TSHZ1: variants seen among roughly 807,000 people sequenced by gnomAD.
The protein encoded by TSHZ1 is teashirt homolog 1.
A neutral mutation model predicts 67.1 loss-of-function variants in TSHZ1; 12 were observed. That is an observed-to-expected ratio of 0.18 (90% confidence interval 0.11 to 0.29). The LOEUF is 0.29. Among genes scored for constraint, TSHZ1 ranks in the 10% least tolerant of loss-of-function variants. The pLI is 1.00. For synonymous variants in TSHZ1, 632 were observed against 622.4 expected (o/e 1.02, Z -0.23); for missense variants, 1,305 against 1,413.9 (o/e 0.92, Z 1.23).
At position 75,287,647 on chromosome 18, in the gene TSHZ1, G is replaced by A; in HGVS notation, c.2240G>A (p.Ser747Asn). 1 of 1,614,142 alleles carries A rather than the reference G, an allele frequency of 6.2e-7. No homozygotes were observed. Among genetic ancestry groups the A allele is most frequent in the Non-Finnish European group, 8.5e-7 (1 of 1,180,038 alleles). ...GAGCCTTCCTTCATCAACCCGCTGAGCGCTTTGCAGTCCATCATGAACACC... is the reference window on the plus strand; with the variant it reads ...GAGCCTTCCTTCATCAACCCGCTGAACGCTTTGCAGTCCATCATGAACACC... ...SPEPSFINPL[S>N]ALQSIMNTHL... The change falls in exon 2 of 2, where the codon AGC becomes AAC. Residue 747 changes from serine (S) to asparagine (N), a missense_variant. Ser to Asn is a conservative substitution (Grantham distance 46). Coordinates refer to ENST00000580243, the MANE Select transcript of TSHZ1 (RefSeq NM_001308210.2). This position sits in a 1 kb window ranked among gnomAD's most constrained non-coding sequence, Gnocchi z 5.0.
chr18:75,261,328 C>A (rs1223752173), intron 1 of TSHZ1, among the ~76,000 whole-genome samples: 2 of 152,160 alleles, frequency 1.3e-5, no homozygotes, highest in African/African-American at 4.8e-5. Flanking sequence ...ACATTTATGG[C>A]CTTCCCAGGG....
intron 1 of TSHZ1, among the ~76,000 whole-genome samples, chr18:75,275,093 A>G (rs1222472310): frequency 6.6e-6 from 1 of 152,214 alleles, no homozygotes; most frequent in East Asian, 1.9e-4. Context: ...TGCCTGGTAC[A>G]CGTCCTTGCC....
chr18:75,280,389 CATTT>C, intron 1 of TSHZ1, among the ~76,000 whole-genome samples: 1 of 152,236 alleles, frequency 6.6e-6, no homozygotes, highest in Non-Finnish European at 1.5e-5. Context: ...GAGATTCTCT[CATTT>C]ATAACACTGT....
At chr18:75,235,074 C>T (rs2023050313) in intron 1 of TSHZ1, among the ~76,000 whole-genome samples, 1 of 152,234 alleles carries the variant, frequency 6.6e-6, no homozygotes, top group South Asian at 2.1e-4. Flanking sequence ...GCGTGTCACA[C>T]CCGTGTTGTG....
chr18:75,249,186 G>T (rs1423990028), intron 1 of TSHZ1, among the ~76,000 whole-genome samples: 1 of 152,120 alleles, frequency 6.6e-6, no homozygotes, highest in Non-Finnish European at 1.5e-5. Context: ...CTGCTACCCG[G>T]GCAGGCTGCT....
At chr18:75,271,720 C>T (rs1292596759) in intron 1 of TSHZ1, among the ~76,000 whole-genome samples, 2 of 151,624 alleles carry the variant, frequency 1.3e-5, no homozygotes, top group East Asian at 1.9e-4. Context: ...TTTTTCTTGC[C>T]GCTCCCCCCT....
chr18:75,222,285 T>G (rs1023527116), intron 1 of TSHZ1, among the ~76,000 whole-genome samples: 41 of 151,902 alleles, frequency 2.7e-4, no homozygotes, highest in African/African-American at 8.2e-4. Context: ...AAATCAGTAA[T>G]GAGAATTTAT....
intron 1 of TSHZ1, chr18:75,283,084 C>T (rs750543070): frequency 5.9e-5 from 9 of 152,306 alleles, no homozygotes; most frequent in East Asian, 1.9e-4. Context: ...AAGGGCCTCC[C>T]GCACACAGTG....
chr18:75,246,378 C>T (rs1369928930), intron 1 of TSHZ1, among the ~76,000 whole-genome samples: 1 of 121,528 alleles, frequency 8.2e-6, no homozygotes, highest in Non-Finnish European at 1.8e-5. Context: ...TCTGTTCAAC[C>T]TCTGATGGGG....
chr18:75,233,140 C>G (rs982362764), intron 1 of TSHZ1, among the ~76,000 whole-genome samples: 7 of 152,198 alleles, frequency 4.6e-5, no homozygotes, highest in Admixed American at 3.9e-4. Flanking sequence ...TTTTCTGTGT[C>G]GTAGGAGTTC....
chr18:75,219,630 T>G (rs1372386473), intron 1 of TSHZ1, among the ~76,000 whole-genome samples: 2 of 152,232 alleles, frequency 1.3e-5, no homozygotes, highest in Non-Finnish European at 2.9e-5. Flanking sequence ...AAGAAAAATA[T>G]TCTTGAACTC....
rs1406815572 is a variant in TSHZ1, at chr18:75,211,762, G to C, written c.-115G>C. 1.7e-6 allele frequency: 1 copy of C among 589,706 alleles called. No individual in the cohort carries two copies. The highest frequency in any genetic ancestry group is 2.1e-6 in the Non-Finnish European group (1 of 468,984). 36.5% of individuals were successfully genotyped at this position (589,706 alleles called of 1,614,324 possible). A position where few individuals can be genotyped will look rare whatever the true frequency, so the allele number is the denominator to read the frequency against. On this transcript the variant is annotated 5_prime_UTR_variant, in exon 1 of 2. Transcript: ENST00000580243. ...CGCGCCCGGAGCCCGGAGCCCGCGGGGACGAGGCCAAAGTTGGGCGCGCCG... is the reference window on the plus strand; with the variant it reads ...CGCGCCCGGAGCCCGGAGCCCGCGGCGACGAGGCCAAAGTTGGGCGCGCCG...
chr18:75,214,483 C>T (rs529370941), intron 1 of TSHZ1, among the ~76,000 whole-genome samples: 7 of 152,292 alleles, frequency 4.6e-5, no homozygotes, highest in South Asian at 2.1e-4. Flanking sequence ...GTGAGTCAAG[C>T]GATTTTCCAA....
chr18:75,253,957 C>A (rs538954029), intron 1 of TSHZ1, among the ~76,000 whole-genome samples: 1 of 152,298 alleles, frequency 6.6e-6, no homozygotes, highest in South Asian at 2.1e-4. Context: ...TTTGTATTTG[C>A]CACTGCACAG....
At chr18:75,255,817 A>T (rs543134143) in intron 1 of TSHZ1, among the ~76,000 whole-genome samples, 1 of 152,216 alleles carries the variant, frequency 6.6e-6, no homozygotes, top group African/African-American at 2.4e-5. Context: ...CTGCATGTGT[A>T]TTTTACTTCT....
intron 1 of TSHZ1, among the ~76,000 whole-genome samples, chr18:75,257,081 G>T (rs1479667188): frequency 2.0e-5 from 3 of 152,200 alleles, no homozygotes. Flanking sequence ...TACTCTATCT[G>T]CATCGCTGAT....
chr18:75,264,962 CACAAA>C (rs1229968116), intron 1 of TSHZ1, among the ~76,000 whole-genome samples: 13 of 152,184 alleles, frequency 8.5e-5, no homozygotes, highest in Non-Finnish European at 1.8e-4. Flanking sequence ...AAGAGTTCAG[CACAAA>C]ACAAGTGTTA....
chr18:75,233,563 T>G (rs545186824), intron 1 of TSHZ1, among the ~76,000 whole-genome samples: 21 of 152,182 alleles, frequency 1.4e-4, no homozygotes, highest in Non-Finnish European at 1.6e-4. Flanking sequence ...GATGGTTTCT[T>G]GTTTTATTTT....
intron 1 of TSHZ1, among the ~76,000 whole-genome samples, chr18:75,257,455 A>G (rs1253072099): frequency 6.6e-6 from 1 of 152,204 alleles, no homozygotes; most frequent in Admixed American, 6.5e-5. Context: ...AGTTTAACCA[A>G]TTAATAAGAG....
Sources: allele counts gnomAD v4.1 joint callset (sites outside exome capture counted in the v4.1 genomes callset), GRCh38; gene constraint gnomAD v4.1.1; non-coding constraint Gnocchi (gnomAD v3.1); transcripts MANE v1.5; gene names NCBI Gene and HGNC (gene_info 2026-07-23, HGNC 2026-07-21).